Variants in CADM2 observed in about 807,000 individuals in gnomAD.
CADM2 encodes the protein immunoglobulin superfamily member 4D.
Under a neutral mutation model 49.8 loss-of-function variants are expected in CADM2, and 12 were observed. That is an observed-to-expected ratio of 0.24 (90% CI 0.15 to 0.39). CADM2 has a LOEUF of 0.39. Among genes scored for constraint, CADM2 ranks in the 10% least tolerant of loss-of-function variants. The probability of loss-of-function intolerance (pLI) is 1.00; values close to 1 mark genes in which losing one functional copy is unlikely to be tolerated. For synonymous variants in CADM2, 214 were observed against 175.4 expected (o/e 1.22, Z -1.74); for missense variants, 378 against 492.3 (o/e 0.77, Z 2.20).
At chr3:85,095,353 GCTA>G (rs113685037) in intron 1 of CADM2, among the ~76,000 whole-genome samples, 447 of 152,238 alleles carry the variant, frequency 2.9e-3, no homozygotes, top group African/African-American at 9.4e-3. Context: ...ATTATTCAGA[GCTA>G]GGCAGTCACA....
chr3:85,515,631 A>ATATATATATTTTT (rs1159969286), intron 1 of CADM2, among the ~76,000 whole-genome samples: 36 of 118,390 alleles, frequency 3.0e-4, no homozygotes, highest in African/African-American at 1.1e-3. Flanking sequence ...ATATATATAT[A>ATATATATATTTTT]TTTTTTTTTT....
At chr3:85,016,794 A>G (rs1024299953) in intron 1 of CADM2, among the ~76,000 whole-genome samples, 2 of 152,056 alleles carry the variant, frequency 1.3e-5, no homozygotes, top group Admixed American at 6.6e-5. Flanking sequence ...CTCCATCTAA[A>G]AAAAAAATAA....
At chr3:85,072,253 C>A (rs2107476291) in intron 1 of CADM2, among the ~76,000 whole-genome samples, 1 of 151,796 alleles carries the variant, frequency 6.6e-6, no homozygotes, top group South Asian at 2.1e-4. Context: ...AAGTTTTAAC[C>A]CCAAAAGGAC....
At chr3:85,274,683 T>C (rs1285790313) in intron 1 of CADM2, among the ~76,000 whole-genome samples, 2 of 151,488 alleles carry the variant, frequency 1.3e-5, no homozygotes, top group Admixed American at 6.6e-5. Context: ...CACATATTCA[T>C]TCAATAAATA....
intron 3 of CADM2, among the ~76,000 whole-genome samples, chr3:85,806,234 G>T (rs892307623): frequency 5.3e-5 from 8 of 151,634 alleles, no homozygotes; most frequent in Non-Finnish European, 1.2e-4. Context: ...AAGGATTTCT[G>T]TATTGATAAA....
intron 1 of CADM2, among the ~76,000 whole-genome samples, chr3:84,969,081 A>T (rs976484733): frequency 5.9e-5 from 9 of 151,984 alleles, no homozygotes; most frequent in Admixed American, 5.9e-4. Flanking sequence ...TCACTTAACA[A>T]GGGGGATACT....
At chr3:85,441,238 A>G (rs180843405) in intron 1 of CADM2, among the ~76,000 whole-genome samples, 5 of 152,138 alleles carry the variant, frequency 3.3e-5, no homozygotes, top group African/African-American at 1.2e-4. Context: ...TGACAAAATG[A>G]ATATTATTAG....
chr3:85,478,595 T>C (rs1055223726), intron 1 of CADM2, among the ~76,000 whole-genome samples: 1 of 143,856 alleles, frequency 7.0e-6, no homozygotes, highest in Admixed American at 7.0e-5. Context: ...TTTCCTAAGG[T>C]AAGAAGCAAC....
At chr3:85,170,259 C>A (rs563330736) in intron 1 of CADM2, among the ~76,000 whole-genome samples, 2 of 152,006 alleles carry the variant, frequency 1.3e-5, no homozygotes, top group South Asian at 4.2e-4. Flanking sequence ...TAAGTTGAGC[C>A]GCAGAAAAGT....
In CADM2 at chr3:86,036,727, T is replaced by TA. The variant is rs1169613028; in HGVS notation, c.971-28873dup. Reference sequence around the variant, plus strand: ...GTCTCCTCAACTGTAAAATGGGAATTAAAAAGTATCTAATTTCAAAGGCTG... The same window carrying TA: ...GTCTCCTCAACTGTAAAATGGGAATTAAAAAAGTATCTAATTTCAAAGGCTG... On this transcript the variant is annotated intron_variant, in intron 8 of 9. Transcript: ENST00000383699. Among the ~76,000 whole-genome samples, 3 of 152,170 alleles carry TA rather than the reference T, an allele frequency of 2.0e-5. No homozygotes were observed. The East Asian group carries it at 5.8e-4, about 29-fold the overall frequency.
intron 1 of CADM2, among the ~76,000 whole-genome samples, chr3:85,510,269 A>G (rs564002555): frequency 1.3e-5 from 2 of 152,106 alleles, no homozygotes; most frequent in Non-Finnish European, 2.9e-5. Flanking sequence ...AATACAAAAG[A>G]AACAAAGGAA....
chr3:85,104,976 A>G (rs1211545545), intron 1 of CADM2, among the ~76,000 whole-genome samples: 4 of 152,146 alleles, frequency 2.6e-5, no homozygotes, highest in African/African-American at 9.7e-5. Context: ...TTGGGGTGAG[A>G]CGATGGGGTT....
chr3:85,153,055 T>G (rs1474806435), intron 1 of CADM2, among the ~76,000 whole-genome samples: 1 of 151,900 alleles, frequency 6.6e-6, no homozygotes, highest in African/African-American at 2.4e-5. Flanking sequence ...TTACCTGCAT[T>G]TGAAAATTAA....
chr3:85,012,274 C>A (rs868193444), intron 1 of CADM2, among the ~76,000 whole-genome samples: 3 of 150,660 alleles, frequency 2.0e-5, no homozygotes, highest in Non-Finnish European at 3.0e-5. Flanking sequence ...AACTTGAAAG[C>A]TTTTCCAGGT....
chr3:85,071,701 A>G (rs2107474713), intron 1 of CADM2, among the ~76,000 whole-genome samples: 1 of 152,224 alleles, frequency 6.6e-6, no homozygotes, highest in African/African-American at 2.4e-5. Context: ...TTAAATCAAA[A>G]TGACTGCTCA....
chr3:85,465,433 A>G (rs934587300), intron 1 of CADM2, among the ~76,000 whole-genome samples: 2 of 152,188 alleles, frequency 1.3e-5, no homozygotes, highest in African/African-American at 4.8e-5. Context: ...TTAAAAAGTC[A>G]ACGAACACAT....
chr3:85,374,109 T>A (rs2033445606), intron 1 of CADM2, among the ~76,000 whole-genome samples: 1 of 152,114 alleles, frequency 6.6e-6, no homozygotes, highest in Non-Finnish European at 1.5e-5. Context: ...AGGCTGCAAA[T>A]CTTCCAAAGT....
intron 8 of CADM2, among the ~76,000 whole-genome samples, chr3:85,999,955 G>T (rs562434911): frequency 1.6e-4 from 25 of 152,290 alleles, no homozygotes; most frequent in Non-Finnish European, 2.6e-4. Flanking sequence ...TAAATGCTGT[G>T]AGAATGCTAG....
intron 1 of CADM2, among the ~76,000 whole-genome samples, chr3:85,535,388 G>T (rs1191527838): frequency 6.6e-6 from 1 of 152,078 alleles, no homozygotes; most frequent in Non-Finnish European, 1.5e-5. Flanking sequence ...CTAAGTAACA[G>T]ACTCTTAATA....
Sources: gnomAD v4.1 joint callset for allele counts (sites outside exome capture counted in the v4.1 genomes callset) on GRCh38, gnomAD v4.1.1 for gene constraint, MANE v1.5 for transcripts, NCBI Gene and HGNC (gene_info 2026-07-23, HGNC 2026-07-21) for gene names.